Variants in RASAL2 observed in about 807,000 individuals in gnomAD.
RASAL2 encodes ras GTPase-activating protein nGAP.
Under a neutral mutation model 128.9 loss-of-function variants are expected in RASAL2, and 58 were observed. The observed-to-expected ratio is 0.45, with a 90% CI of 0.36 to 0.56. The LOEUF is 0.56. Among genes scored for constraint, RASAL2 ranks in the 20% least tolerant of loss-of-function variants. RASAL2 has a pLI of 0.00. For missense variants in RASAL2, 1,360 were observed against 1,601.6 expected (o/e 0.85, Z 2.57); for synonymous variants, 561 against 580.8 (o/e 0.97, Z 0.49).
chr1:178,317,771 G>GT (rs1162638429), intron 3 of RASAL2, among the ~76,000 whole-genome samples: 126 of 149,830 alleles, frequency 8.4e-4, no homozygotes, highest in African/African-American at 2.9e-3. Context: ...TTTTTGAAGG[G>GT]TTTTTTGTGT....
At chr1:178,192,255 CT>C in intron 1 of RASAL2, among the ~76,000 whole-genome samples, 2 of 152,072 alleles carry the variant, frequency 1.3e-5, no homozygotes, top group African/African-American at 4.8e-5. Flanking sequence ...TCTTGTTATA[CT>C]ACTTTTATTT....
chr1:178,410,726 T>C (rs1233612926), intron 4 of RASAL2, among the ~76,000 whole-genome samples: 1 of 150,390 alleles, frequency 6.6e-6, no homozygotes, highest in Non-Finnish European at 1.5e-5. Flanking sequence ...GAATACACAG[T>C]TCTCAAAAGA....
At chr1:178,130,156 TGTC>T (rs1198081580) in intron 1 of RASAL2, among the ~76,000 whole-genome samples, 55 of 152,322 alleles carry the variant, frequency 3.6e-4, no homozygotes, top group African/African-American at 1.3e-3. Flanking sequence ...TTTAAGATAA[TGTC>T]TCAAACTTGA....
chr1:178,342,375 T>G (rs1669927654), intron 3 of RASAL2, among the ~76,000 whole-genome samples: 1 of 152,192 alleles, frequency 6.6e-6, no homozygotes, highest in Non-Finnish European at 1.5e-5. Flanking sequence ...TAGAACCAAT[T>G]ATATATAGGC....
At chr1:178,262,376 A>T (rs1321885312) in intron 1 of RASAL2, among the ~76,000 whole-genome samples, 2 of 152,360 alleles carry the variant, frequency 1.3e-5, no homozygotes, top group Middle Eastern at 6.8e-3. Flanking sequence ...TTGTGGACCT[A>T]CAGAGGAGTT....
chr1:178,224,240 T>A (rs1205170645), intron 1 of RASAL2, among the ~76,000 whole-genome samples: 4 of 151,428 alleles, frequency 2.6e-5, no homozygotes, highest in Admixed American at 1.3e-4. Context: ...TTTTTTTTTT[T>A]AATATTTAAA....
At position 178,452,566 on chromosome 1, in the gene RASAL2, C is replaced by T. The variant is rs1677454001; in HGVS notation, c.1923C>T (p.Asn641=). ...CPAIMSPSLF[N]LMQEYPDDRT... is the part of the protein sequence containing the mutation. ...CCATTATGTCTCCCAGTCTTTTCAA[C>T]CTTATGCAGGAGTATCCTGATGACC... Residue 641 remains asparagine (N), a synonymous_variant, in exon 11 of 18, where the codon AAC becomes AAT. Coordinates refer to ENST00000367649, the MANE Select transcript of RASAL2 (RefSeq NM_170692.4). 6.2e-7 allele frequency: 1 copy of T among 1,614,084 alleles called. No homozygotes were observed. Among genetic ancestry groups the T allele is most frequent in the African/African-American group, 1.3e-5 (1 of 75,032 alleles).
At chr1:178,442,345 G>A (rs1462480433) in intron 7 of RASAL2, among the ~76,000 whole-genome samples, 3 of 152,066 alleles carry the variant, frequency 2.0e-5, no homozygotes, top group Admixed American at 6.6e-5. Flanking sequence ...ACTAGAATAC[G>A]AGCTTCTTAA....
chr1:178,131,074 A>C (rs11582037), intron 1 of RASAL2, among the ~76,000 whole-genome samples: 13,272 of 150,858 alleles, frequency 0.088, 619 homozygotes, highest in Middle Eastern at 0.13. Context: ...CAAAAAAAAA[A>C]CAAAAAAAAC....
chr1:178,442,801 A>C lies in RASAL2; in HGVS notation c.1054A>C (p.Lys352Gln), dbSNP rs765892750. ...TACCCTCTTTGCTCGTACAACCAGCAAGACCAAAGCAGACAATATTTTCTG... is the reference window on the plus strand; with the variant it reads ...TACCCTCTTTGCTCGTACAACCAGCCAGACCAAAGCAGACAATATTTTCTG... ...DDTLFARTTSKTKADNIFWGE... is the reference protein window; with the variant it reads ...DDTLFARTTSQTKADNIFWGE... The change falls in exon 8 of 18, where the codon AAG becomes CAG. Residue 352 changes from lysine (K) to glutamine (Q), a missense_variant. Physicochemically the swap from Lys to Gln is moderately conservative, Grantham distance 53. Around this residue, in one of 3 missense-constraint regions of RASAL2, gnomAD observed 617 missense variants for 714.2 expected, o/e 0.86. Coordinates refer to ENST00000367649, the MANE Select transcript of RASAL2 (RefSeq NM_170692.4). 6.2e-7 allele frequency: 1 copy of C among 1,613,896 alleles called. No individual in the cohort carries two copies. The highest frequency in any genetic ancestry group is 8.5e-7 in the Non-Finnish European group (1 of 1,179,966).
chr1:178,102,409 G>A (rs142402776), intron 1 of RASAL2, among the ~76,000 whole-genome samples: 1,823 of 152,206 alleles, frequency 0.012, 15 homozygotes, highest in South Asian at 0.018. Context: ...CCAGGTTGGA[G>A]TGCAGTGGCG....
intron 1 of RASAL2, among the ~76,000 whole-genome samples, chr1:178,208,181 G>A (rs148156606): frequency 0.012 from 1,796 of 152,256 alleles, 30 homozygotes; most frequent in African/African-American, 0.038. Flanking sequence ...GAATAACAGC[G>A]ATTTTTAGGG....
intron 1 of RASAL2, among the ~76,000 whole-genome samples, chr1:178,221,207 A>G (rs1363263995): frequency 6.6e-6 from 1 of 152,074 alleles, no homozygotes; most frequent in Non-Finnish European, 1.5e-5. Context: ...ATGCTTATTT[A>G]CCATTTGTAT....
intron 1 of RASAL2, among the ~76,000 whole-genome samples, chr1:178,101,117 G>A (rs1427242037): frequency 6.6e-6 from 1 of 152,186 alleles, no homozygotes; most frequent in Non-Finnish European, 1.5e-5. Context: ...AGCCCATCAA[G>A]AAGTAATGTG....
At chr1:178,170,168 A>G (rs2101909616) in intron 1 of RASAL2, among the ~76,000 whole-genome samples, 2 of 152,040 alleles carry the variant, frequency 1.3e-5, no homozygotes, top group South Asian at 4.1e-4. Context: ...TTGAAAGTGG[A>G]TTCTTGACCT....
In RASAL2 at chr1:178,214,590, G is replaced by A. The variant is rs1289209028; in HGVS notation, c.203-68974G>A. Among the ~76,000 whole-genome samples the A allele has an allele frequency of 9.0e-5, 13 of 144,944 alleles. No individual in the cohort carries two copies. In the South Asian group the frequency reaches 2.9e-3, roughly 32 times the overall value. ...TTTTTTTTTTTTGAGACAGAGTCTC[G>A]CTCTGTCGCCCAGGCTGGAGTGCAG... On this transcript the variant is annotated intron_variant, in intron 1 of 17. Transcript: ENST00000367649.
chr1:178,474,844 T>C lies in RASAL2; in HGVS notation c.*1605T>C, dbSNP rs1308608627. On this transcript the variant is annotated 3_prime_UTR_variant, in exon 18 of 18. Transcript: ENST00000367649. ...TTGTTTTATATTGAGAAAGCAACAA[T>C]GTTTCTCGAATAAGTTGATGTTGAT... 1.3e-5 allele frequency: 2 copies of C among 152,158 alleles called. No individual in the cohort carries two copies. The highest frequency in any genetic ancestry group is 2.9e-5 in the Non-Finnish European group (2 of 68,022). The allele number at this position is 152,158 out of a possible 1,614,324, so 9.4% of individuals were successfully genotyped here.
At chr1:178,189,576 A>T (rs916692094) in intron 1 of RASAL2, among the ~76,000 whole-genome samples, 2 of 152,200 alleles carry the variant, frequency 1.3e-5, no homozygotes, top group Non-Finnish European at 2.9e-5. Context: ...TATCTAGTTT[A>T]TAAATGGCAC....
chr1:178,167,540 C>G (rs2101905068), intron 1 of RASAL2, among the ~76,000 whole-genome samples: 1 of 152,142 alleles, frequency 6.6e-6, no homozygotes, highest in African/African-American at 2.4e-5. Flanking sequence ...ATGGGGGTGT[C>G]TATAATACTC....
Sources: allele counts gnomAD v4.1 joint callset (sites outside exome capture counted in the v4.1 genomes callset), GRCh38; gene constraint gnomAD v4.1.1; regional missense constraint gnomAD v4.1.1; transcripts MANE v1.5; gene names NCBI Gene and HGNC (gene_info 2026-07-23, HGNC 2026-07-21).